The following TMEM39B variants were observed in gnomAD, a reference collection of about 807,000 sequenced individuals.
TMEM39B encodes the protein transmembrane protein 39B.
Under a neutral mutation model 52.2 loss-of-function variants are expected in TMEM39B, and 23 were observed. The ratio of observed to expected loss-of-function variants is 0.44; its 90% CI spans 0.32 to 0.62. The LOEUF is 0.62. TMEM39B is among the 20% of genes least tolerant of loss of function. The probability of loss-of-function intolerance (pLI) is 0.06; values close to 1 mark genes in which losing one functional copy is unlikely to be tolerated. For synonymous variants in TMEM39B, 285 were observed against 264.0 expected (o/e 1.08, Z -0.77); for missense variants, 547 against 642.0 (o/e 0.85, Z 1.60).
At chr1:32,082,430 T>C (rs998529754) in intron 5 of TMEM39B, among the ~76,000 whole-genome samples, 2 of 152,030 alleles carry the variant, frequency 1.3e-5, no homozygotes, top group Admixed American at 6.6e-5. Context: ...AGAGTTACAG[T>C]CTTGGACCTC....
At chr1:32,085,309 C>G (rs1040664509) in intron 5 of TMEM39B, among the ~76,000 whole-genome samples, 1 of 151,860 alleles carries the variant, frequency 6.6e-6, no homozygotes, top group Non-Finnish European at 1.5e-5. Context: ...CTCTCTCTCT[C>G]TTTGTATGTG....
intron 5 of TMEM39B, among the ~76,000 whole-genome samples, chr1:32,084,897 T>G (rs1486522363): frequency 6.6e-6 from 1 of 152,082 alleles, no homozygotes; most frequent in Admixed American, 6.6e-5. Flanking sequence ...AAATTCACAT[T>G]CTCAGAACTT....
In TMEM39B at chr1:32,082,619, T is replaced by A. The variant is rs181958644; in HGVS notation, c.590+5301T>A. Among the ~76,000 whole-genome samples the A allele has an allele frequency of 5.6e-3, 846 of 151,446 alleles. 10 individuals carry two copies. The highest frequency in any genetic ancestry group is 0.027 in the South Asian group (131 of 4,772). Reference sequence around the variant, plus strand: ...ACAGGTGTGCACCACCACGCCCAGCTAATTTTTTGTATTTTTAGTAGAGAT... The same window carrying A: ...ACAGGTGTGCACCACCACGCCCAGCAAATTTTTTGTATTTTTAGTAGAGAT... On this transcript the variant is annotated intron_variant, in intron 5 of 8. Coordinates refer to ENST00000336294, the MANE Select transcript of TMEM39B (RefSeq NM_018056.4).
rs549667277 is a variant in TMEM39B, at chr1:32,091,656, C to A, written c.591-19C>A. 2.9e-4 allele frequency: 450 copies of A among 1,567,956 alleles called. 11 individuals carry two copies. In the South Asian group the frequency reaches 5.1e-3, roughly 18 times the overall value. ...TGGCCCATGGGCAGGCCTTCCCTCA[C>A]CACCGTCTTCCCCAGCAGGTTTGGG... is the stretch of plus-strand genomic sequence containing the variant. On this transcript the variant is annotated intron_variant, in intron 5 of 8. Transcript: ENST00000336294.
chr1:32,083,064 G>A (rs538266321), intron 5 of TMEM39B, among the ~76,000 whole-genome samples: 71 of 142,968 alleles, frequency 5.0e-4, no homozygotes, highest in Middle Eastern at 4.2e-3. Flanking sequence ...GTGAGCCACC[G>A]CGCCCAGCCT....
intron 7 of TMEM39B, among the ~76,000 whole-genome samples, chr1:32,099,244 A>C (rs1043300710): frequency 4.6e-5 from 7 of 152,038 alleles, no homozygotes; most frequent in African/African-American, 1.4e-4. Context: ...AAAAAAAAAA[A>C]ACACTCATAG....
intron 7 of TMEM39B, among the ~76,000 whole-genome samples, chr1:32,098,729 ACT>A (rs1640907267): frequency 6.6e-6 from 1 of 151,440 alleles, no homozygotes. Context: ...AAAGAGCGAG[ACT>A]CTGTCTCAAA....
chr1:32,078,735 G>T (rs1043434697), intron 5 of TMEM39B, among the ~76,000 whole-genome samples: 14 of 150,884 alleles, frequency 9.3e-5, no homozygotes, highest in African/African-American at 3.4e-4. Context: ...CTGCCTCCTG[G>T]ATTCAAGCAA....
Position 32,094,971 on chromosome 1 carries a change from C to T in TMEM39B, c.1115C>T (p.Pro372Leu), listed in dbSNP as rs761033073. The change falls in exon 7 of 9, where the codon CCG becomes CTG. Residue 372 changes from proline (P) to leucine (L), a missense_variant and splice_region_variant. Physicochemically the swap from Pro to Leu is moderately conservative, Grantham distance 98. Transcript: ENST00000336294. The stretch of plus-strand genomic sequence containing the variant: ...CTGTGCTCCAACGTGCTGCAGCACC[C>T]GTGAGTCACCCTACCCTGCTCAACC... ...PALCSNVLQHPWTEECMWPQG... is the reference protein window; with the variant it reads ...PALCSNVLQHLWTEECMWPQG... 6.2e-6 allele frequency: 10 copies of T among 1,612,660 alleles called. No homozygotes were observed. The highest frequency in any genetic ancestry group is 1.1e-5 in the South Asian group (1 of 91,042).
chr1:32,082,924 G>A (rs183187272), intron 5 of TMEM39B, among the ~76,000 whole-genome samples: 5,207 of 150,900 alleles, frequency 0.035, 124 homozygotes, highest in Middle Eastern at 0.082. Flanking sequence ...ACAGGCACCC[G>A]CCACCACGCC....
intron 5 of TMEM39B, among the ~76,000 whole-genome samples, chr1:32,079,299 C>G (rs1327006234): frequency 6.6e-6 from 1 of 151,946 alleles, no homozygotes; most frequent in African/African-American, 2.4e-5. Flanking sequence ...ATTCTCCTGC[C>G]TCAGCCTCCT....
chr1:32,098,979 G>A (rs1640916825), intron 7 of TMEM39B, among the ~76,000 whole-genome samples: 2 of 151,964 alleles, frequency 1.3e-5, no homozygotes, highest in African/African-American at 2.4e-5. Flanking sequence ...GGCCAGGCAC[G>A]GTGGCTCATT....
intron 5 of TMEM39B, among the ~76,000 whole-genome samples, chr1:32,083,317 A>G (rs992089806): frequency 6.9e-6 from 1 of 144,946 alleles, no homozygotes; most frequent in African/African-American, 2.6e-5. Flanking sequence ...TCCCGACCTC[A>G]GGTGATCCAC....
At chr1:32,075,106 C>A in intron 2 of TMEM39B, 29 bp downstream of exon 2, 1 of 1,539,480 alleles carries the variant, frequency 6.5e-7, no homozygotes, top group Non-Finnish European at 8.8e-7. Context: ...TCACCCCTCA[C>A]TGTGGCCTCA....
At chr1:32,081,632 C>T (rs755944290) in intron 5 of TMEM39B, among the ~76,000 whole-genome samples, 11 of 151,442 alleles carry the variant, frequency 7.3e-5, no homozygotes, top group Non-Finnish European at 1.0e-4. Context: ...CCTGTAGTCC[C>T]AGCTACTTGG....
chr1:32,073,549 G>A (rs1639730450), intron 1 of TMEM39B: 1 of 994,672 alleles, frequency 1.0e-6, no homozygotes, highest in Middle Eastern at 5.1e-4. Flanking sequence ...TGTAGGCGGA[G>A]CTTCTGGGCT....
At chr1:32,081,304 C>T (rs1640091585) in intron 5 of TMEM39B, among the ~76,000 whole-genome samples, 1 of 150,964 alleles carries the variant, frequency 6.6e-6, no homozygotes, top group African/African-American at 2.4e-5. Flanking sequence ...CAGGGTCTGG[C>T]TCTGTTGCCC....
chr1:32,092,095 T>A, intron 6 of TMEM39B, 84 bp downstream of exon 6: 4 of 1,273,314 alleles, frequency 3.1e-6, no homozygotes, highest in Non-Finnish European at 4.4e-6. Flanking sequence ...CCTGCTGGCC[T>A]AACTATGCTG....
intron 5 of TMEM39B, among the ~76,000 whole-genome samples, chr1:32,083,134 G>A (rs549989498): frequency 1.4e-4 from 19 of 140,544 alleles, no homozygotes; most frequent in East Asian, 8.4e-4. Context: ...CCCAGCCTTG[G>A]TGTGCAATGG....
Sources: allele counts gnomAD v4.1 joint callset (sites outside exome capture counted in the v4.1 genomes callset), GRCh38; gene constraint gnomAD v4.1.1; transcripts MANE v1.5; gene names NCBI Gene and HGNC (gene_info 2026-07-23, HGNC 2026-07-21).